The following HNRNPUL1 variants were observed in gnomAD, a reference collection of about 807,000 sequenced individuals.
The protein encoded by HNRNPUL1 is heterogeneous nuclear ribonucleoprotein U like 1.
A neutral mutation model predicts 108.5 loss-of-function variants in HNRNPUL1; 14 were observed. The ratio of observed to expected loss-of-function variants is 0.13; its 90% CI spans 0.09 to 0.20. The LOEUF (loss-of-function observed/expected upper bound fraction) is 0.20. Among genes scored for constraint, HNRNPUL1 ranks in the 10% least tolerant of loss-of-function variants. HNRNPUL1 has a pLI of 1.00. For synonymous variants in HNRNPUL1, 422 were observed against 445.2 expected (o/e 0.95, Z 0.66); for missense variants, 804 against 1,168.3 (o/e 0.69, Z 4.55).
Position 41,306,630 on chromosome 19 carries a change from C to T in HNRNPUL1, c.*65C>T. ...TCCTCCACCAGCGCCTGCCTCGGCC[C>T]CTCCTCTGCCCCCGCCAGATCCCGT... On this transcript the variant is annotated 3_prime_UTR_variant, in exon 15 of 15. Coordinates refer to ENST00000392006, the MANE Select transcript of HNRNPUL1 (RefSeq NM_007040.6). 1 of 1,009,602 alleles carries T rather than the reference C, an allele frequency of 9.9e-7. No individual in the cohort carries two copies. The highest frequency in any genetic ancestry group is 1.9e-5 in the South Asian group (1 of 53,564). The allele number at this position is 1,009,602 out of a possible 1,614,324, so 62.5% of individuals were successfully genotyped here.
In HNRNPUL1 at chr19:41,302,745, C is replaced by T; in HGVS notation, c.1768C>T (p.Leu590=). ...GCTGCAGCGGGAGGAAGCGGACAAG[C>T]TAGTGAGGCAGTACAACGAGGAAGG... The part of the protein sequence containing the change: ...IELQREEADK[L]VRQYNEEGRK... The change falls in exon 12 of 15, where the codon CTA becomes TTA. Residue 590 remains leucine (L), a synonymous_variant. Transcript: ENST00000392006. 1.2e-6 allele frequency: 2 copies of T among 1,614,186 alleles called. No individual in the cohort carries two copies. The highest frequency in any genetic ancestry group is 1.7e-6 in the Non-Finnish European group (2 of 1,180,018).
At chr19:41,295,309 G>A (rs1221580152) in intron 10 of HNRNPUL1, among the ~76,000 whole-genome samples, 3 of 152,108 alleles carry the variant, frequency 2.0e-5, no homozygotes, top group Non-Finnish European at 4.4e-5. Flanking sequence ...TAACATCAGG[G>A]ACCTTGGAAC....
chr19:41,275,949 C>G (rs1224524844), intron 4 of HNRNPUL1, among the ~76,000 whole-genome samples: 1 of 151,976 alleles, frequency 6.6e-6, no homozygotes, highest in African/African-American at 2.4e-5. Flanking sequence ...CTAAAAAATA[C>G]AAAATTAGTC....
At chr19:41,263,994 A>G (rs2034644275), upstream of HNRNPUL1, among the ~76,000 whole-genome samples, 1 of 152,232 alleles carries the variant, frequency 6.6e-6, no homozygotes, top group Admixed American at 6.5e-5. Flanking sequence ...AATGTGTGTT[A>G]CAGAGACACT....
intron 3 of HNRNPUL1, among the ~76,000 whole-genome samples, chr19:41,272,815 G>T (rs185069284): frequency 6.6e-6 from 1 of 152,256 alleles, no homozygotes; most frequent in African/African-American, 2.4e-5. Context: ...CCTCTGCTTT[G>T]GTCATTTCCC....
chr19:41,302,169 A>C (rs2037248105), intron 11 of HNRNPUL1, among the ~76,000 whole-genome samples: 1 of 147,806 alleles, frequency 6.8e-6, no homozygotes, highest in Non-Finnish European at 1.5e-5. Flanking sequence ...GACACTTAGC[A>C]GGCTGAGGGG....
intron 3 of HNRNPUL1, 92 bp downstream of exon 3, chr19:41,272,327 G>A: frequency 7.9e-7 from 1 of 1,264,594 alleles, no homozygotes; most frequent in Non-Finnish European, 1.1e-6. Flanking sequence ...TAACCTAGAG[G>A]GGCTGAGTAA....
Position 41,294,873 on chromosome 19 carries a change from A to G in HNRNPUL1, c.1518+187A>G, listed in dbSNP as rs1249134937. Among the ~76,000 whole-genome samples, 3 of 152,194 alleles carry G rather than the reference A, an allele frequency of 2.0e-5. No homozygotes were observed. The highest frequency in any genetic ancestry group is 4.4e-5 in the Non-Finnish European group (3 of 68,040). ...ACACAGCTGAGCCTGGACTGGGATC[A>G]TGATCTAGGCCTACTTACTCAGACT... On this transcript the variant is annotated intron_variant, in intron 10 of 14. Transcript: ENST00000392006. This position sits in a 1 kb window ranked among gnomAD's most constrained non-coding sequence, Gnocchi z 4.3.
chr19:41,291,835 T>A (rs2036589637), intron 7 of HNRNPUL1: 1 of 171,958 alleles, frequency 5.8e-6, no homozygotes, highest in Admixed American at 5.6e-5. Flanking sequence ...AATTTAAAAA[T>A]TAGCCAGGTG....
intron 7 of HNRNPUL1, among the ~76,000 whole-genome samples, chr19:41,285,155 C>A (rs2036149159): frequency 6.6e-6 from 1 of 152,112 alleles, no homozygotes; most frequent in Non-Finnish European, 1.5e-5. Context: ...AGAGGTTTGG[C>A]TTAAAAATTC....
intron 7 of HNRNPUL1, among the ~76,000 whole-genome samples, chr19:41,287,854 C>T (rs1450851845): frequency 6.6e-6 from 1 of 152,108 alleles, no homozygotes; most frequent in African/African-American, 2.4e-5. Context: ...GCCACTGCGC[C>T]CGGCCCTCAA....
chr19:41,292,590 T>A lies in HNRNPUL1; in HGVS notation c.1266+79T>A. 3 of 1,484,938 alleles carry A rather than the reference T, an allele frequency of 2.0e-6. No homozygotes were observed. The highest frequency in any genetic ancestry group is 2.8e-6 in the Non-Finnish European group (3 of 1,075,026). 92.0% of individuals were successfully genotyped at this position (1,484,938 alleles called of 1,614,324 possible). On this transcript the variant is annotated intron_variant, in intron 8 of 14. Transcript: ENST00000392006. This position sits in a 1 kb window ranked among gnomAD's most constrained non-coding sequence, Gnocchi z 4.1. ...CACACACACACACACACACACAGAC[T>A]TGCTGCGAGAGTAGCCTTGGGGCAA...
In HNRNPUL1 at chr19:41,306,496, G is replaced by A. The variant is rs369304665; in HGVS notation, c.2502G>A (p.Pro834=). The change falls in exon 15 of 15, where the codon CCG becomes CCA. Residue 834 remains proline (P), a synonymous_variant. Transcript: ENST00000392006. ...NQYYQNQGQW[P]PYYGNYDYGS... is the part of the protein sequence containing the mutation. ...ACTATCAGAACCAGGGCCAGTGGCC[G>A]CCATACTACGGGAACTACGACTACG... 93 of 1,605,714 alleles carry A rather than the reference G, an allele frequency of 5.8e-5. 1 individual carries two copies. Among genetic ancestry groups the A allele is most frequent in the Admixed American group, 2.4e-4 (14 of 58,718 alleles).
intron 1 of HNRNPUL1, among the ~76,000 whole-genome samples, chr19:41,266,214 C>T (rs957502489): frequency 7.9e-5 from 12 of 152,094 alleles, no homozygotes; most frequent in African/African-American, 2.9e-4. Flanking sequence ...GCGGGCGGAT[C>T]ACGAGGTCAG....
chr19:41,289,186 C>T (rs772482302), intron 7 of HNRNPUL1, among the ~76,000 whole-genome samples: 3 of 152,204 alleles, frequency 2.0e-5, no homozygotes, highest in South Asian at 2.1e-4. Flanking sequence ...AACATCTCTG[C>T]ATCCAGTCTT....
rs1322041624 is a variant in HNRNPUL1, at chr19:41,278,086, A to G, written c.787-991A>G. The stretch of plus-strand genomic sequence containing the variant: ...TTTGTTTGTTTTGTTTTGTTGACGG[A>G]GTTTCACTTGTTACCCAAGCTAGAA... On this transcript the variant is annotated intron_variant, in intron 5 of 14. Coordinates refer to ENST00000392006, the MANE Select transcript of HNRNPUL1 (RefSeq NM_007040.6). Among the ~76,000 whole-genome samples the G allele has an allele frequency of 2.0e-5, 3 of 151,038 alleles. No individual in the cohort carries two copies. In the East Asian group the frequency reaches 5.9e-4, roughly 30 times the overall value.
chr19:41,293,790 A>C (rs935780105), intron 8 of HNRNPUL1, among the ~76,000 whole-genome samples: 1 of 152,314 alleles, frequency 6.6e-6, no homozygotes, highest in South Asian at 2.1e-4. Flanking sequence ...CCTTGAGTAT[A>C]GGAGTTTGAG....
intron 10 of HNRNPUL1, among the ~76,000 whole-genome samples, chr19:41,295,210 C>T (rs2036818578): frequency 1.3e-5 from 2 of 152,160 alleles, no homozygotes; most frequent in South Asian, 2.1e-4. Context: ...TTATTGCTTC[C>T]GTCATTTTCT....
intron 10 of HNRNPUL1, among the ~76,000 whole-genome samples, chr19:41,300,162 A>G (rs1447273689): frequency 6.6e-6 from 1 of 152,026 alleles, no homozygotes; most frequent in Non-Finnish European, 1.5e-5. Flanking sequence ...TGCTTTATGG[A>G]CATTCTCTTA....
Sources: allele counts gnomAD v4.1 joint callset (sites outside exome capture counted in the v4.1 genomes callset), GRCh38; gene constraint gnomAD v4.1.1; non-coding constraint Gnocchi (gnomAD v3.1); transcripts MANE v1.5; gene names NCBI Gene and HGNC (gene_info 2026-07-23, HGNC 2026-07-21).